Variants in SLC22A24 observed in about 807,000 individuals in gnomAD.
SLC22A24 encodes the protein solute carrier family 22 member 24, also known as steroid transmembrane transporter SLC22A24.
A neutral mutation model predicts 49.8 loss-of-function variants in SLC22A24; 53 were observed. The observed-to-expected ratio is 1.06, with a 90% CI of 0.85 to 1.34. SLC22A24 has a LOEUF of 1.34. SLC22A24 is among the 40% of genes most tolerant of loss of function. The probability of loss-of-function intolerance (pLI) is 0.00; values close to 1 mark genes in which losing one functional copy is unlikely to be tolerated. For synonymous variants in SLC22A24, 302 were observed against 256.4 expected (o/e 1.18, Z -1.70); for missense variants, 786 against 675.9 (o/e 1.16, Z -1.81).
intron 4 of SLC22A24, among the ~76,000 whole-genome samples, chr11:63,115,336 T>C (rs1488087348): frequency 6.6e-6 from 1 of 152,182 alleles, no homozygotes; most frequent in African/African-American, 2.4e-5. Flanking sequence ...GTGCTAGCAG[T>C]GAGCAAGGCT....
In SLC22A24 at chr11:63,095,982, G is replaced by C; in HGVS notation, c.1070+9C>G. On this transcript the variant is annotated intron_variant, in intron 6 of 9. Coordinates refer to ENST00000612278, the MANE Select transcript of SLC22A24 (RefSeq NM_001136506.2). ...ATTTTAAAGTGAATCATCACCAAATGGAACTTACCTCACAAAGCACAGGCC... is the reference window on the plus strand; with the variant it reads ...ATTTTAAAGTGAATCATCACCAAATCGAACTTACCTCACAAAGCACAGGCC... The C allele has an allele frequency of 6.5e-7, 1 of 1,533,750 alleles. No homozygotes were observed. The highest frequency in any genetic ancestry group is 8.8e-7 in the Non-Finnish European group (1 of 1,132,016).
chr11:63,091,276 C>A (rs1451635348), intron 6 of SLC22A24, among the ~76,000 whole-genome samples: 2 of 151,986 alleles, frequency 1.3e-5, no homozygotes, highest in African/African-American at 4.8e-5. Context: ...GCCTACCAAC[C>A]AAAAAAGGGC....
chr11:63,118,742 T>C (rs879450730), intron 4 of SLC22A24, 170 bp downstream of exon 4: 11 of 692,906 alleles, frequency 1.6e-5, no homozygotes, highest in African/African-American at 5.3e-5. Flanking sequence ...CCTCCCCACA[T>C]ATAGTGTCAT....
intron 2 of SLC22A24, among the ~76,000 whole-genome samples, chr11:63,127,566 A>C (rs1400750241): frequency 1.3e-5 from 2 of 152,126 alleles, no homozygotes; most frequent in Admixed American, 6.5e-5. Flanking sequence ...TATCTTCCAC[A>C]ATGGTTGAAT....
chr11:63,116,057 A>G (rs975570053), intron 4 of SLC22A24: 3 of 350,218 alleles, frequency 8.6e-6, no homozygotes, highest in African/African-American at 4.3e-5. Flanking sequence ...AGGCAAGTCA[A>G]TCGAGCTTGT....
At chr11:63,139,367 G>A (rs778782062) in intron 1 of SLC22A24, among the ~76,000 whole-genome samples, 1 of 152,124 alleles carries the variant, frequency 6.6e-6, no homozygotes, top group African/African-American at 2.4e-5. Context: ...GTTCTGTTTC[G>A]CATTGTGTCA....
chr11:63,113,555 T>C (rs1053535033), intron 4 of SLC22A24, among the ~76,000 whole-genome samples: 1 of 152,000 alleles, frequency 6.6e-6, no homozygotes, highest in Non-Finnish European at 1.5e-5. Flanking sequence ...TTGAAAATTC[T>C]TTTCTTTAAG....
intron 1 of SLC22A24, among the ~76,000 whole-genome samples, chr11:63,141,314 G>T (rs925482937): frequency 3.9e-5 from 6 of 152,240 alleles, no homozygotes; most frequent in Non-Finnish European, 2.9e-5. Context: ...TCTCCTTTGG[G>T]TAAACGGCAG....
At position 63,125,202 on chromosome 11, in the gene SLC22A24, G is replaced by C. The variant is rs566724177; in HGVS notation, c.507-5867C>G. Among the ~76,000 whole-genome samples, 40 of 152,114 alleles carry C rather than the reference G, an allele frequency of 2.6e-4. 1 individual carries two copies. In the South Asian group the frequency reaches 8.1e-3, roughly 31 times the overall value. On this transcript the variant is annotated intron_variant, in intron 2 of 9. Coordinates refer to ENST00000612278, the MANE Select transcript of SLC22A24 (RefSeq NM_001136506.2). ...CTTTAAGTTCTGAGGTACCTGTGCA[G>C]AATGTGCAGTTTTGTTACATAGGTG...
chr11:63,098,756 C>A (rs992369847), intron 5 of SLC22A24, among the ~76,000 whole-genome samples: 5 of 151,760 alleles, frequency 3.3e-5, no homozygotes, highest in Non-Finnish European at 7.4e-5. Context: ...GCAAACCAAA[C>A]CCCCAAAATA....
At chr11:63,104,432 GCCT>G (rs1565328356) in intron 4 of SLC22A24, 134 bp from the exon 5 acceptor site, 3 of 925,330 alleles carry the variant, frequency 3.2e-6, no homozygotes, top group East Asian at 2.7e-5. Flanking sequence ...GACCAAATTG[GCCT>G]CCTCTGCTGG....
chr11:63,111,204 T>C (rs1291508699), intron 4 of SLC22A24, among the ~76,000 whole-genome samples: 1 of 151,900 alleles, frequency 6.6e-6, no homozygotes, highest in African/African-American at 2.4e-5. Context: ...GAAGCCCACT[T>C]GATCATGGTG....
At chr11:63,115,349 G>A (rs1046900314) in intron 4 of SLC22A24, among the ~76,000 whole-genome samples, 19 of 152,216 alleles carry the variant, frequency 1.2e-4, no homozygotes, top group African/African-American at 4.1e-4. Context: ...GCAAGGCTCC[G>A]TGGGCATGGG....
At chr11:63,139,366 C>A (rs1179776199) in intron 1 of SLC22A24, among the ~76,000 whole-genome samples, 1 of 152,158 alleles carries the variant, frequency 6.6e-6, no homozygotes, top group Non-Finnish European at 1.5e-5. Context: ...TGTTCTGTTT[C>A]GCATTGTGTC....
chr11:63,087,181 C>T (rs1190191010), intron 6 of SLC22A24, among the ~76,000 whole-genome samples: 3 of 152,098 alleles, frequency 2.0e-5, no homozygotes, highest in Non-Finnish European at 2.9e-5. Context: ...GTCTGCAGCT[C>T]CCAGCAAGAC....
At chr11:63,092,790 C>A (rs1486055493) in intron 6 of SLC22A24, among the ~76,000 whole-genome samples, 2 of 151,710 alleles carry the variant, frequency 1.3e-5, no homozygotes, top group African/African-American at 4.8e-5. Flanking sequence ...TGGGCAAAGA[C>A]TTCATGACTA....
chr11:63,143,805 A>G lies in SLC22A24; in HGVS notation c.-26T>C. 7.5e-7 allele frequency: 1 copy of G among 1,340,112 alleles called. No individual in the cohort carries two copies. Among genetic ancestry groups the G allele is most frequent in the Non-Finnish European group, 9.6e-7 (1 of 1,041,076 alleles). 83.0% of individuals were successfully genotyped at this position (1,340,112 alleles called of 1,614,324 possible). On this transcript the variant is annotated 5_prime_UTR_variant, in exon 1 of 10. Transcript: ENST00000612278. ...TGAGACTGAACAGGTGATCCCCAAG[A>G]GGAAGCACAATGACTTTATGAAGAG...
At chr11:63,108,207 A>G (rs1237388694) in intron 4 of SLC22A24, among the ~76,000 whole-genome samples, 2 of 152,044 alleles carry the variant, frequency 1.3e-5, no homozygotes, top group Non-Finnish European at 1.5e-5. Flanking sequence ...GGTTTTTGTC[A>G]TTGGTTCTGT....
chr11:63,126,915 G>C (rs2087295281), intron 2 of SLC22A24, among the ~76,000 whole-genome samples: 1 of 152,100 alleles, frequency 6.6e-6, no homozygotes, highest in Non-Finnish European at 1.5e-5. Flanking sequence ...AGTAGCAATT[G>C]TGAATGGGAG....
Sources: gnomAD v4.1 joint callset for allele counts (sites outside exome capture counted in the v4.1 genomes callset) on GRCh38, gnomAD v4.1.1 for gene constraint, MANE v1.5 for transcripts, NCBI Gene and HGNC (gene_info 2026-07-23, HGNC 2026-07-21) for gene names.